KALRN: variants seen among roughly 807,000 people sequenced by gnomAD.
KALRN encodes the protein kalirin.
A neutral mutation model predicts 353.7 loss-of-function variants in KALRN; 70 were observed. The ratio of observed to expected loss-of-function variants is 0.20; its 90% CI spans 0.16 to 0.24. The LOEUF (loss-of-function observed/expected upper bound fraction) is 0.24, where lower values mean the gene tolerates loss of function less well. Among genes scored for constraint, KALRN ranks in the 10% least tolerant of loss-of-function variants. KALRN has a pLI of 1.00. For missense variants in KALRN, 2,791 were observed against 3,756.7 expected, an observed-to-expected ratio of 0.74 and a Z score of 6.72; for synonymous variants, 1,391 against 1,434.8, an observed-to-expected ratio of 0.97 and a Z score of 0.69.
chr3:124,277,015 G>T (rs2074814234), intron 5 of KALRN, among the ~76,000 whole-genome samples: 1 of 152,194 alleles, frequency 6.6e-6, no homozygotes, highest in Non-Finnish European at 1.5e-5. Flanking sequence ...CTCTTTGGAG[G>T]CTCCTTGCCG....
chr3:124,462,358 C>T (rs977615564), intron 24 of KALRN, among the ~76,000 whole-genome samples, 166 bp from the exon 25 acceptor site: 1 of 152,150 alleles, frequency 6.6e-6, no homozygotes, highest in Non-Finnish European at 1.5e-5. Context: ...ATGAAATATT[C>T]AGGTTTTATT....
In KALRN at chr3:124,652,568, A is replaced by G. The variant is rs1397294992; in HGVS notation, c.5795+1630A>G. On this transcript the variant is annotated intron_variant, in intron 38 of 59. Coordinates refer to ENST00000682506, the MANE Select transcript of KALRN (RefSeq NM_001388419.1). ...CTCTGAGGTGGCAGGTGACCCTGGG[A>G]AAAGCCAGTCACTACTCTTTTTTTT... Among the ~76,000 whole-genome samples the G allele has an allele frequency of 2.0e-5, 3 of 152,158 alleles. No homozygotes were observed. In the East Asian group the frequency reaches 5.8e-4, roughly 29 times the overall value.
chr3:124,592,796 A>G (rs1469144860), intron 34 of KALRN, among the ~76,000 whole-genome samples: 3 of 152,262 alleles, frequency 2.0e-5, no homozygotes, highest in African/African-American at 7.2e-5. Context: ...GAACTGTGTT[A>G]CAATTCCTGG....
At chr3:124,248,443 G>T (rs886714015) in intron 3 of KALRN, among the ~76,000 whole-genome samples, 4 of 152,220 alleles carry the variant, frequency 2.6e-5, no homozygotes, top group South Asian at 2.1e-4. Context: ...TCTGCCAGGG[G>T]ACGGAGCATG....
chr3:124,037,153 C>T (rs2039501191), intron 1 of KALRN, among the ~76,000 whole-genome samples: 1 of 152,266 alleles, frequency 6.6e-6, no homozygotes, highest in Non-Finnish European at 1.5e-5. Context: ...GAGGCTTCTG[C>T]TGTCCACGGT....
chr3:124,117,365 C>G (rs1205447670), intron 1 of KALRN, among the ~76,000 whole-genome samples: 5 of 151,176 alleles, frequency 3.3e-5, no homozygotes, highest in African/African-American at 1.2e-4. Context: ...GGAGAATCAG[C>G]AAATTATTTT....
chr3:124,659,745 G>A (rs2084574390), intron 43 of KALRN, among the ~76,000 whole-genome samples: 1 of 151,754 alleles, frequency 6.6e-6, no homozygotes, highest in Non-Finnish European at 1.5e-5. Flanking sequence ...TCATTGACTT[G>A]ATACCTTTAA....
rs397990993 is a variant in KALRN, at chr3:124,294,520, CTTTTT to C, written c.970-4253_970-4249del. 8.1e-5 allele frequency among the ~76,000 whole-genome samples: 6 copies of C among 73,900 alleles called. 1 individual carries two copies. Among genetic ancestry groups the C allele is most frequent in the East Asian group, 5.1e-4 (1 of 1,980 alleles). The allele number at this position is 73,900 out of a possible 152,430, so 48.5% of individuals were successfully genotyped here. A position where few individuals can be genotyped will look rare whatever the true frequency, so the allele number is the denominator to read the frequency against. ...GGGCTGAGACTAAGAAGATTCTCTT[CTTTTT>C]TTTTTTTTTTTTTTTTTGAGATGGA... On this transcript the variant is annotated intron_variant, in intron 5 of 59. Coordinates refer to ENST00000682506, the MANE Select transcript of KALRN (RefSeq NM_001388419.1).
chr3:124,713,523 A>G (rs928814455), intron 58 of KALRN, among the ~76,000 whole-genome samples: 1 of 152,170 alleles, frequency 6.6e-6, no homozygotes, highest in Non-Finnish European at 1.5e-5. Context: ...CTGTGTGTCA[A>G]TTCACCACCA....
intron 27 of KALRN, among the ~76,000 whole-genome samples, chr3:124,480,932 C>A (rs868671809): frequency 3.9e-5 from 6 of 152,078 alleles, no homozygotes; most frequent in African/African-American, 1.4e-4. Flanking sequence ...GAATATTCTA[C>A]ATTTTGTTTT....
intron 3 of KALRN, among the ~76,000 whole-genome samples, chr3:124,256,551 G>A (rs541918311): frequency 3.3e-5 from 5 of 152,184 alleles, no homozygotes; most frequent in African/African-American, 7.2e-5. Context: ...TTGGGGGATT[G>A]TCTTCAATAG....
intron 1 of KALRN, among the ~76,000 whole-genome samples, chr3:124,166,548 T>G (rs2070878553): frequency 6.6e-6 from 1 of 152,192 alleles, no homozygotes; most frequent in African/African-American, 2.4e-5. Context: ...AAAATTATAT[T>G]ATGTCTCTCC....
At chr3:124,492,635 G>T in intron 31 of KALRN, 105 bp from the exon 32 acceptor site, 3 of 1,212,612 alleles carry the variant, frequency 2.5e-6, no homozygotes, top group African/African-American at 1.5e-5. Context: ...CCAGACATTT[G>T]GAATCCTTGA....
In KALRN at chr3:124,636,766, TC is replaced by T. The variant is rs2081391231; in HGVS notation, c.5569-439del. 2.0e-5 allele frequency among the ~76,000 whole-genome samples: 3 copies of T among 152,316 alleles called. No individual in the cohort carries two copies. In the East Asian group the frequency reaches 5.8e-4, roughly 29 times the overall value. ...AGGCTGTAGTAAAGCAAGGACTGTT[TC>T]CCTTTTTTGGACACACTCAAGGCTG... On this transcript the variant is annotated intron_variant, in intron 36 of 59. Transcript: ENST00000682506.
chr3:124,640,197 T>G (rs2081880322), intron 37 of KALRN, among the ~76,000 whole-genome samples: 1 of 152,124 alleles, frequency 6.6e-6, no homozygotes, highest in African/African-American at 2.4e-5. Context: ...AAGTACAATG[T>G]ACAGATCAAA....
chr3:124,688,819 G>A (rs1454673176), intron 51 of KALRN, among the ~76,000 whole-genome samples: 2 of 152,156 alleles, frequency 1.3e-5, no homozygotes, highest in African/African-American at 2.4e-5. Context: ...GAAAATAGAC[G>A]CCAAGATTTC....
intron 51 of KALRN, among the ~76,000 whole-genome samples, chr3:124,681,917 A>T (rs1018567374): frequency 1.3e-5 from 2 of 152,186 alleles, no homozygotes; most frequent in African/African-American, 4.8e-5. Flanking sequence ...GGTGTGAGCC[A>T]ATGCACCTGG....
chr3:124,604,226 G>A (rs2077092212), intron 34 of KALRN, among the ~76,000 whole-genome samples: 1 of 152,060 alleles, frequency 6.6e-6, no homozygotes, highest in South Asian at 2.1e-4. Context: ...ATGTATACAT[G>A]TGCCATGCTG....
intron 19 of KALRN, among the ~76,000 whole-genome samples, chr3:124,443,882 G>A (rs570736198): frequency 1.8e-4 from 27 of 152,144 alleles, no homozygotes; most frequent in Non-Finnish European, 3.7e-4. Context: ...ACTCTGGCTA[G>A]GGAACATAAA....
Sources: gnomAD v4.1 joint callset for allele counts (sites outside exome capture counted in the v4.1 genomes callset) on GRCh38, gnomAD v4.1.1 for gene constraint, MANE v1.5 for transcripts, NCBI Gene and HGNC (gene_info 2026-07-23, HGNC 2026-07-21) for gene names.